The following QRICH2 variants were observed in gnomAD, a reference collection of about 807,000 sequenced individuals.
The protein encoded by QRICH2 is glutamine-rich protein 2.
QRICH2 carries 119 observed loss-of-function variants against 168.3 expected under a neutral mutation model. The observed-to-expected ratio is 0.71, with a 90% confidence interval of 0.61 to 0.82. The LOEUF (loss-of-function observed/expected upper bound fraction) is 0.82. Among genes scored for constraint, QRICH2 ranks in the 40% least tolerant of loss-of-function variants. The pLI, the probability that QRICH2 is intolerant of heterozygous loss-of-function variation, is 0.00. For synonymous variants in QRICH2, 894 were observed against 951.2 expected, an observed-to-expected ratio of 0.94 and a Z score of 1.11; for missense variants, 2,241 against 2,491.6, an observed-to-expected ratio of 0.90 and a Z score of 2.14.
At chr17:76,277,358 G>A in intron 15 of QRICH2, 48 bp from the exon 16 acceptor site, 15 of 1,590,862 alleles carry the variant, frequency 9.4e-6, no homozygotes, top group East Asian at 4.6e-5. Context: ...CACCAGGGAT[G>A]TCACCTGGGA....
intron 18 of QRICH2, among the ~76,000 whole-genome samples, chr17:76,275,451 G>A (rs1003559171): frequency 6.6e-5 from 10 of 152,324 alleles, no homozygotes; most frequent in African/African-American, 1.9e-4. Context: ...TGACAGGGTC[G>A]TGGCCTCTTG....
intron 18 of QRICH2, 71 bp downstream of exon 18, chr17:76,275,748 A>C (rs1192011258): frequency 1.3e-6 from 2 of 1,559,268 alleles, no homozygotes; most frequent in Non-Finnish European, 1.7e-6. Context: ...AAGGCCCTAC[A>C]TGAGCAGGAA....
intron 7 of QRICH2, among the ~76,000 whole-genome samples, chr17:76,286,568 T>C (rs570237637): frequency 6.6e-6 from 1 of 152,266 alleles, no homozygotes; most frequent in East Asian, 1.9e-4. Context: ...TGGAATTAGA[T>C]TGTGGTGATA....
intron 2 of QRICH2, 108 bp downstream of exon 2, chr17:76,304,774 G>A: frequency 2.3e-6 from 2 of 857,422 alleles, no homozygotes; most frequent in African/African-American, 1.7e-5. Flanking sequence ...TTGAGAGGCA[G>A]AGGGCACACA....
intron 7 of QRICH2, among the ~76,000 whole-genome samples, chr17:76,285,967 T>C (rs973503833): frequency 5.9e-5 from 9 of 151,936 alleles, no homozygotes; most frequent in Admixed American, 3.9e-4. Context: ...GGTCAGGAGA[T>C]TGAGACCATC....
chr17:76,306,769 C>G (rs1369124743), intron 1 of QRICH2, among the ~76,000 whole-genome samples: 2 of 152,088 alleles, frequency 1.3e-5, no homozygotes, highest in East Asian at 3.9e-4. Flanking sequence ...CGCCTATAAT[C>G]CCAGCTACTC....
At chr17:76,290,897 G>A (rs2070974261) in intron 4 of QRICH2, 118 bp downstream of exon 4, 6 of 1,465,624 alleles carry the variant, frequency 4.1e-6, no homozygotes, top group Non-Finnish European at 5.5e-6. Flanking sequence ...ATGACATGCT[G>A]TTTTCAGGGA....
At chr17:76,297,871 T>G (rs918694218) in intron 3 of QRICH2, among the ~76,000 whole-genome samples, 6 of 46,226 alleles carry the variant, frequency 1.3e-4, no homozygotes, top group African/African-American at 6.7e-4. Flanking sequence ...TAGGAATCTG[T>G]TTTTTTTTTT....
At position 76,280,048 on chromosome 17, in the gene QRICH2, GCCT is replaced by G. The variant is rs914340873; in HGVS notation, c.4730_4732del (p.Glu1577del). 3.7e-6 allele frequency: 6 copies of G among 1,611,932 alleles called. No individual in the cohort carries two copies. The African/African-American group carries it at 8.0e-5, about 22-fold the overall frequency. On this transcript the variant is annotated inframe_deletion, in exon 12 of 19. Transcript: ENST00000680821. This position sits in a 1 kb window ranked among gnomAD's most constrained non-coding sequence, Gnocchi z 7.4. ...CAGGCCTCACCTCCGCATGGCAGCC[GCCT>G]CGTCTGCCTGGTAGAGTGGGGGGCG... is the stretch of plus-strand genomic sequence containing the variant.
intron 3 of QRICH2, among the ~76,000 whole-genome samples, chr17:76,301,810 C>G (rs187487336): frequency 0.016 from 2,276 of 145,988 alleles, 73 homozygotes; most frequent in African/African-American, 0.056. Flanking sequence ...TCTATAGATT[C>G]TCCTGCTTCA....
At chr17:76,276,960 G>A (rs535254767) in intron 16 of QRICH2, among the ~76,000 whole-genome samples, 193 bp from the exon 17 acceptor site, 236 of 152,350 alleles carry the variant, frequency 1.5e-3, no homozygotes, top group South Asian at 4.8e-3. Context: ...CTGGGAGGCC[G>A]GAATGCTGCT....
Position 76,292,879 on chromosome 17 carries a change from A to T in QRICH2, c.1848T>A (p.Asp616Glu). 3.7e-6 allele frequency: 6 copies of T among 1,602,108 alleles called. No homozygotes were observed. In the South Asian group the frequency reaches 4.4e-5, roughly 12 times the overall value. ...DQSGLAQPGA[D>E]QRGLVWPGMD... The stretch of plus-strand genomic sequence containing the variant: ...TTCCAGGCCAGACCAAACCACGCTG[A>T]TCTGCACCAGGTTGGGCCAAACCAG... The change falls in exon 4 of 19, where the codon GAT becomes GAA. Residue 616 changes from aspartate to glutamate, a missense_variant. Coordinates refer to ENST00000680821, the MANE Select transcript of QRICH2 (RefSeq NM_001388453.1).
At position 76,292,483 on chromosome 17, in the gene QRICH2, CTGA is replaced by C. The variant is rs34007000; in HGVS notation, c.2241_2243del (p.His747del). 0.32 allele frequency: 511,298 copies of C among 1,607,944 alleles called. 89,014 individuals carry two copies. The highest frequency in any genetic ancestry group is 0.66 in the African/African-American group (48,779 of 73,830). On this transcript the variant is annotated inframe_deletion, in exon 4 of 19. Transcript: ENST00000680821. Reference sequence around the variant, plus strand: ...CTGCACCAGGTGGGACCAAACCACGCTGATGATCTGCACGAGGTTGTGCCAAAC... The same window carrying C: ...CTGCACCAGGTGGGACCAAACCACGCTGATCTGCACGAGGTTGTGCCAAAC...
At chr17:76,279,948 G>A in intron 12 of QRICH2, 85 bp downstream of exon 12, 1 of 1,460,630 alleles carries the variant, frequency 6.8e-7, no homozygotes, top group Non-Finnish European at 9.2e-7. Context: ...GCTGGCAGGA[G>A]CTGTTTGTCT....
intron 6 of QRICH2, 57 bp from the exon 7 acceptor site, chr17:76,287,363 G>A: frequency 2.3e-6 from 3 of 1,292,384 alleles, no homozygotes; most frequent in South Asian, 2.4e-5. Context: ...CCCATGCAGA[G>A]CCTGGGCCAT....
At chr17:76,299,920 C>T (rs540317416) in intron 3 of QRICH2, among the ~76,000 whole-genome samples, 12 of 151,792 alleles carry the variant, frequency 7.9e-5, no homozygotes, top group Admixed American at 1.3e-4. Flanking sequence ...CTCCGCCTTC[C>T]GGTGGTTTCA....
chr17:76,279,576 G>A, intron 12 of QRICH2, 148 bp from the exon 13 acceptor site: 1 of 661,344 alleles, frequency 1.5e-6, no homozygotes, highest in South Asian at 1.8e-5. Context: ...CCCACCTCTG[G>A]GCTCACATCC....
rs568887416 is a variant in QRICH2, at chr17:76,281,815, T to C, written c.4263+49A>G. 1 of 1,595,058 alleles carries C rather than the reference T, an allele frequency of 6.3e-7. No homozygotes were observed. The highest frequency in any genetic ancestry group is 1.1e-5 in the South Asian group (1 of 89,930). On this transcript the variant is annotated intron_variant, in intron 8 of 18. Transcript: ENST00000680821. This position sits in a 1 kb window ranked among gnomAD's most constrained non-coding sequence, Gnocchi z 4.4. ...GGTCTGCAGCAGGGTGGCCCTCCTC[T>C]GTGGGGCCATGTCCAGTTGCAGCAG...
At position 76,307,584 on chromosome 17, in the gene QRICH2, C is replaced by T. The variant is rs146819251; in HGVS notation, c.415G>A (p.Gly139Arg). 5 of 1,562,518 alleles carry T rather than the reference C, an allele frequency of 3.2e-6. No homozygotes were observed. The highest frequency in any genetic ancestry group is 2.4e-5 in the South Asian group (2 of 84,912). ...THVQHFSQAS[G>R]LDLAALEWPE... ...CACTCTAGCGCGGCCAGGTCAAGCC[C>T]GCTGGCCTGGGAGAAGTGCTGCACG... The change falls in exon 1 of 19, where the codon GGG becomes AGG. Residue 139 changes from glycine (G) to arginine (R), a missense_variant. Gly to Arg is a moderately radical substitution (Grantham distance 125). Transcript: ENST00000680821. This position sits in a 1 kb window ranked among gnomAD's most constrained non-coding sequence, Gnocchi z 5.3.
Sources: allele counts gnomAD v4.1 joint callset (sites outside exome capture counted in the v4.1 genomes callset), GRCh38; gene constraint gnomAD v4.1.1; non-coding constraint Gnocchi (gnomAD v3.1); transcripts MANE v1.5; gene names NCBI Gene and HGNC (gene_info 2026-07-23, HGNC 2026-07-21).